The following TMEM132B variants were observed in gnomAD, a reference collection of about 807,000 sequenced individuals.
TMEM132B encodes the protein transmembrane protein 132B.
In TMEM132B, 18 loss-of-function variants were observed where a neutral mutation model predicts 90.8. That is an observed-to-expected ratio of 0.20 (90% CI 0.14 to 0.29). TMEM132B has a LOEUF of 0.29. Ranked by LOEUF, TMEM132B falls within the 10% of genes least tolerant of loss-of-function variation. The pLI is 1.00. For synonymous variants in TMEM132B, 504 were observed against 523.3 expected (o/e 0.96, Z 0.50); for missense variants, 1,096 against 1,326.8 (o/e 0.83, Z 2.70).
chr12:125,285,250 C>G (rs111688539), intron 1 of TMEM132B, among the ~76,000 whole-genome samples: 1 of 152,092 alleles, frequency 6.6e-6, no homozygotes, highest in Non-Finnish European at 1.5e-5. Flanking sequence ...TCCTAAGAAC[C>G]GGGTGGACTG....
At chr12:125,314,832 GTCT>G (rs1371269304) in intron 1 of TMEM132B, among the ~76,000 whole-genome samples, 1 of 152,206 alleles carries the variant, frequency 6.6e-6, no homozygotes, top group Admixed American at 6.5e-5. Context: ...GCTGAGAAAT[GTCT>G]TCTTTGTGCA....
At chr12:125,442,310 A>ATAGTGATTCC (rs113416846) in intron 3 of TMEM132B, among the ~76,000 whole-genome samples, 83,018 of 151,636 alleles carry the variant, frequency 0.55, 24,195 homozygotes, top group African/African-American at 0.77. Flanking sequence ...GCTAGTGACC[A>ATAGTGATTCC]TAGGATCAGG....
chr12:125,517,419 C>T (rs1247320136), intron 3 of TMEM132B, among the ~76,000 whole-genome samples: 15 of 146,148 alleles, frequency 1.0e-4, no homozygotes, highest in Non-Finnish European at 1.8e-4. Flanking sequence ...GTCTTGATCT[C>T]CTGACCTCGT....
chr12:125,246,521 C>A lies in TMEM132B; in HGVS notation c.67+59655C>A, dbSNP rs1193144552. Reference sequence around the variant, plus strand: ...ATTACTATTATTATTTGTGCAGTGGCATTTGGAAGCCCTTATTAAGTGATT... The same window carrying A: ...ATTACTATTATTATTTGTGCAGTGGAATTTGGAAGCCCTTATTAAGTGATT... On this transcript the variant is annotated intron_variant, in intron 1 of 8. Transcript: ENST00000682704. The surrounding 1 kb of genome is among the most constrained non-coding windows in gnomAD (Gnocchi z 4.2). Among the ~76,000 whole-genome samples the A allele has an allele frequency of 6.6e-6, 1 of 152,150 alleles. No homozygotes were observed. Among genetic ancestry groups the A allele is most frequent in the Non-Finnish European group, 1.5e-5 (1 of 68,034 alleles).
chr12:125,318,692 T>C (rs1475763198), intron 1 of TMEM132B, among the ~76,000 whole-genome samples: 1 of 152,202 alleles, frequency 6.6e-6, no homozygotes, highest in Admixed American at 6.5e-5. Context: ...GCAAAGGACA[T>C]TTCATTCCTT....
chr12:125,234,225 T>G (rs2136085472), intron 1 of TMEM132B, among the ~76,000 whole-genome samples: 1 of 152,338 alleles, frequency 6.6e-6, no homozygotes, highest in Admixed American at 6.5e-5. Context: ...CTCTTGTATC[T>G]TTGCCTTTCC....
chr12:125,401,190 G>A (rs770724942), intron 2 of TMEM132B, among the ~76,000 whole-genome samples: 23 of 152,154 alleles, frequency 1.5e-4, no homozygotes, highest in South Asian at 6.2e-4. Context: ...ATCCAGAGAC[G>A]GATGACACCT....
chr12:125,569,606 T>A (rs1331212638), intron 4 of TMEM132B, among the ~76,000 whole-genome samples: 1 of 152,276 alleles, frequency 6.6e-6, no homozygotes, highest in East Asian at 1.9e-4. Context: ...TGGTTAAGAC[T>A]CTTCTGGTGG....
chr12:125,290,508 A>G lies in TMEM132B; in HGVS notation c.68-58944A>G, dbSNP rs373581566. 5.9e-4 allele frequency among the ~76,000 whole-genome samples: 90 copies of G among 152,364 alleles called. 1 individual carries two copies. The South Asian group carries it at 0.018, about 31-fold the overall frequency. On this transcript the variant is annotated intron_variant, in intron 1 of 8. Coordinates refer to ENST00000682704, the MANE Select transcript of TMEM132B (RefSeq NM_001366854.1). ...AAGTTTGCTATCCATATATGTAATC[A>G]TAAACTACATGAGGCATTGTGTGTG...
At chr12:125,212,086 C>T (rs1873331156) in intron 1 of TMEM132B, among the ~76,000 whole-genome samples, 1 of 152,268 alleles carries the variant, frequency 6.6e-6, no homozygotes, top group African/African-American at 2.4e-5. Context: ...AGTCTGACTC[C>T]GGACAGATGT....
chr12:125,400,229 G>T (rs1160070364), intron 2 of TMEM132B, among the ~76,000 whole-genome samples: 2 of 152,204 alleles, frequency 1.3e-5, no homozygotes, highest in Non-Finnish European at 2.9e-5. Context: ...TCCAAAGCTA[G>T]ACACATAAGT....
At chr12:125,403,496 T>C (rs1336746014) in intron 2 of TMEM132B, among the ~76,000 whole-genome samples, 1 of 152,266 alleles carries the variant, frequency 6.6e-6, no homozygotes, top group Non-Finnish European at 1.5e-5. Flanking sequence ...ATATTGTAAT[T>C]TTTAAATAAC....
chr12:125,348,954 C>A (rs570820823), intron 1 of TMEM132B, among the ~76,000 whole-genome samples: 1 of 152,312 alleles, frequency 6.6e-6, no homozygotes, highest in East Asian at 1.9e-4. Context: ...TAGCTTCACT[C>A]TCTTTTCAAT....
At chr12:125,524,696 A>G (rs1469827655) in intron 4 of TMEM132B, among the ~76,000 whole-genome samples, 1 of 152,218 alleles carries the variant, frequency 6.6e-6, no homozygotes, top group Admixed American at 6.5e-5. Context: ...CTAGCCATCT[A>G]TAGGTGTAGT....
At chr12:125,527,870 T>C (rs1294963183) in intron 4 of TMEM132B, among the ~76,000 whole-genome samples, 1 of 152,258 alleles carries the variant, frequency 6.6e-6, no homozygotes. Context: ...AATTTTTTAG[T>C]GAATGAAAAG....
rs1203043602 is a variant in TMEM132B, at chr12:125,458,217, TGGACAAGGCCCTTGTCCAA to T, written c.1106+42549_1106+42567del. On this transcript the variant is annotated intron_variant, in intron 3 of 8. Transcript: ENST00000682704. This position sits in a 1 kb window ranked among gnomAD's most constrained non-coding sequence, Gnocchi z 4.9. Reference sequence around the variant, plus strand: ...TCCCTGAGGCCAAAAACAAGGGCCTTGGACAAGGCCCTTGTCCAAGGACAAGGGATGGAGCCTGGGACAC... The same window carrying T: ...TCCCTGAGGCCAAAAACAAGGGCCTTGGACAAGGGATGGAGCCTGGGACAC... 3.4e-5 allele frequency among the ~76,000 whole-genome samples: 5 copies of T among 147,768 alleles called. No individual in the cohort carries two copies. Among genetic ancestry groups the T allele is most frequent in the East Asian group, 2.0e-4 (1 of 5,118 alleles).
rs2136554266 is a variant in TMEM132B at position 125,490,018 on chromosome 12, AT to A, written c.1107-29420del. On this transcript the variant is annotated intron_variant, in intron 3 of 8. Coordinates refer to ENST00000682704, the MANE Select transcript of TMEM132B (RefSeq NM_001366854.1). The surrounding 1 kb of genome is among the most constrained non-coding windows in gnomAD (Gnocchi z 4.2). ...CAAACTTATCAGTTATCAATTAAAA[AT>A]AATTATCTATTGTTTAGCTACATAA... 6.6e-6 allele frequency among the ~76,000 whole-genome samples: 1 copy of A among 152,338 alleles called. No homozygotes were observed. The highest frequency in any genetic ancestry group is 2.4e-5 in the African/African-American group (1 of 41,574).
intron 1 of TMEM132B, among the ~76,000 whole-genome samples, chr12:125,240,714 G>T (rs1377207194): frequency 6.6e-6 from 1 of 152,180 alleles, no homozygotes; most frequent in Non-Finnish European, 1.5e-5. Flanking sequence ...CTCTCTTCCG[G>T]ACTGCATCCA....
intron 3 of TMEM132B, among the ~76,000 whole-genome samples, chr12:125,496,672 C>G (rs1300448086): frequency 6.6e-6 from 1 of 152,204 alleles, no homozygotes; most frequent in African/African-American, 2.4e-5. Flanking sequence ...CACTCCCTGC[C>G]TTTGCCAGCA....
Sources: allele counts gnomAD v4.1 joint callset (sites outside exome capture counted in the v4.1 genomes callset), GRCh38; gene constraint gnomAD v4.1.1; non-coding constraint Gnocchi (gnomAD v3.1); transcripts MANE v1.5; gene names NCBI Gene and HGNC (gene_info 2026-07-23, HGNC 2026-07-21).